Variants in DOP1B observed in about 807,000 individuals in gnomAD.
DOP1B encodes the protein DOP1 leucine zipper like protein B.
In DOP1B, 174 loss-of-function variants were observed where a neutral mutation model predicts 233.5. The observed-to-expected ratio is 0.75, with a 90% confidence interval of 0.66 to 0.85. The LOEUF (loss-of-function observed/expected upper bound fraction) is 0.85, where lower values mean the gene tolerates loss of function less well. Ranked by LOEUF, DOP1B falls within the 40% of genes least tolerant of loss-of-function variation. The pLI, the probability that DOP1B is intolerant of heterozygous loss-of-function variation, is 0.00. For missense variants in DOP1B, 2,652 were observed against 2,846.6 expected (o/e 0.93, Z 1.56); for synonymous variants, 1,190 against 1,185.6 (o/e 1.00, Z -0.08).
chr21:36,293,432 C>G lies in DOP1B; in HGVS notation c.6758C>G (p.Ala2253Gly). Residue 2253 changes from alanine to glycine, a missense_variant, in exon 37 of 37, where the codon GCA (alanine) becomes GGA (glycine). Ala to Gly is a moderately conservative substitution (Grantham distance 60, BLOSUM62 0). This residue lies in a region of DOP1B where 2,617 missense variants were observed against 2,794.3 expected (regional missense o/e 0.94). Coordinates refer to ENST00000691173, the MANE Select transcript of DOP1B (RefSeq NM_001320714.2). Reference protein sequence around the residue: ...LMPFFMTLNGAFKTQRQLPAD... With the variant: ...LMPFFMTLNGGFKTQRQLPAD... ...CCATTCTTCATGACTCTAAATGGTG[C>G]ATTTAAGACCCAGAGACAGCTGCCT... The G allele has an allele frequency of 6.2e-7, 1 of 1,614,200 alleles. No individual in the cohort carries two copies. Among genetic ancestry groups the G allele is most frequent in the African/African-American group, 1.3e-5 (1 of 75,060 alleles).
chr21:36,280,181 G>A, intron 30 of DOP1B, 104 bp from the exon 31 acceptor site: 1 of 830,282 alleles, frequency 1.2e-6, no homozygotes, highest in Non-Finnish European at 1.9e-6. Context: ...GGCCCAGAAA[G>A]CAGTTTTTAA....
intron 18 of DOP1B, 138 bp from the exon 19 acceptor site, chr21:36,244,910 C>G: frequency 1.2e-6 from 1 of 826,104 alleles, no homozygotes. Flanking sequence ...GTAAACCGGA[C>G]TCTGGTGGTG....
chr21:36,264,474 T>C (rs1026554897), intron 26 of DOP1B, among the ~76,000 whole-genome samples: 4 of 151,834 alleles, frequency 2.6e-5, no homozygotes, highest in African/African-American at 7.3e-5. Flanking sequence ...TCTTTTTTTT[T>C]TTTTTGGGCC....
intron 27 of DOP1B, among the ~76,000 whole-genome samples, chr21:36,271,636 C>A (rs61033710): frequency 0.18 from 27,271 of 151,856 alleles, 2,660 homozygotes; most frequent in South Asian, 0.3. Flanking sequence ...TTACAACATA[C>A]TATGTGTGTG....
intron 1 of DOP1B, among the ~76,000 whole-genome samples, chr21:36,162,220 G>C (rs909582838): frequency 6.6e-6 from 1 of 152,110 alleles, no homozygotes; most frequent in African/African-American, 2.4e-5. Context: ...TTTGAGACAG[G>C]GTCTCATTCT....
rs551634186 is a variant in DOP1B at position 36,190,478 on chromosome 21, A to G, written c.139-8592A>G. On this transcript the variant is annotated intron_variant, in intron 2 of 36. Coordinates refer to ENST00000691173, the MANE Select transcript of DOP1B (RefSeq NM_001320714.2). ...AGTGGCGCAATCTCAGCTCACTGCAACCTCTGCCTCCCGGGTTCAAGTGAT... is the reference window on the plus strand; with the variant it reads ...AGTGGCGCAATCTCAGCTCACTGCAGCCTCTGCCTCCCGGGTTCAAGTGAT... Among the ~76,000 whole-genome samples the G allele has an allele frequency of 2.0e-5, 3 of 150,536 alleles. No homozygotes were observed. The South Asian group carries it at 6.3e-4, about 32-fold the overall frequency.
At chr21:36,265,338 G>T (rs1266158039) in intron 26 of DOP1B, among the ~76,000 whole-genome samples, 3 of 151,828 alleles carry the variant, frequency 2.0e-5, no homozygotes, top group African/African-American at 7.3e-5. Context: ...AGAGGTTACA[G>T]TGAGCCGAGA....
chr21:36,198,956 T>C (rs1438338360), intron 2 of DOP1B, 114 bp from the exon 3 acceptor site: 1 of 1,172,672 alleles, frequency 8.5e-7, no homozygotes, highest in Non-Finnish European at 1.2e-6. Context: ...GTATGTCTCT[T>C]TCTTACAGCC....
chr21:36,274,743 T>C (rs938513449), intron 27 of DOP1B, among the ~76,000 whole-genome samples: 2 of 152,018 alleles, frequency 1.3e-5, no homozygotes, highest in African/African-American at 4.8e-5. Flanking sequence ...AGGATGGGAA[T>C]GGAGCAAGGG....
chr21:36,242,409 A>G (rs1281715714), intron 18 of DOP1B, among the ~76,000 whole-genome samples: 1 of 152,108 alleles, frequency 6.6e-6, no homozygotes, highest in Non-Finnish European at 1.5e-5. Context: ...TCCTGACCTC[A>G]AGTGATCCAT....
rs199573651 is a variant in DOP1B at position 36,200,320 on chromosome 21, C to T, written c.321-11C>T. On this transcript the variant is annotated splice_polypyrimidine_tract_variant and intron_variant, in intron 3 of 36. Coordinates refer to ENST00000691173, the MANE Select transcript of DOP1B (RefSeq NM_001320714.2). ...TATTTCTGCCCCGCTCCCTCTCGTT[C>T]TTTCTCGAAGCTGCGGGTTATTTCC... The T allele has an allele frequency of 3.9e-4, 610 of 1,578,670 alleles. 1 individual carries two copies. In the African/African-American group the frequency reaches 6.9e-3, roughly 18 times the overall value.
At position 36,191,262 on chromosome 21, in the gene DOP1B, A is replaced by C. The variant is rs555576247; in HGVS notation, c.139-7808A>C. Among the ~76,000 whole-genome samples the C allele has an allele frequency of 5.7e-4, 87 of 152,166 alleles. 3 individuals carry two copies. The South Asian group carries it at 7.5e-3, about 13-fold the overall frequency. On this transcript the variant is annotated intron_variant, in intron 2 of 36. Coordinates refer to ENST00000691173, the MANE Select transcript of DOP1B (RefSeq NM_001320714.2). ...ACTTTAAAAAACAAGTCAGAAAAAAAAAAAAACAAAAAACAGAAAAAAACC... is the reference window on the plus strand; with the variant it reads ...ACTTTAAAAAACAAGTCAGAAAAAACAAAAAACAAAAAACAGAAAAAAACC...
At chr21:36,251,898 C>T (rs559058662) in intron 22 of DOP1B, among the ~76,000 whole-genome samples, 1 of 152,248 alleles carries the variant, frequency 6.6e-6, no homozygotes, top group African/African-American at 2.4e-5. Context: ...GTATATATAA[C>T]ATGAACATTT....
At chr21:36,291,189 A>T (rs551753465) in intron 35 of DOP1B, among the ~76,000 whole-genome samples, 1 of 151,224 alleles carries the variant, frequency 6.6e-6, no homozygotes, top group Non-Finnish European at 1.5e-5. Flanking sequence ...TTGAAACCGA[A>T]GGCGGAGGTT....
At chr21:36,290,963 C>T (rs1407561877) in intron 35 of DOP1B, among the ~76,000 whole-genome samples, 1 of 147,886 alleles carries the variant, frequency 6.8e-6, no homozygotes, top group Non-Finnish European at 1.5e-5. Context: ...GAGCGAGACT[C>T]CCCCTCAAAA....
At chr21:36,159,604 G>A (rs900813146) in intron 1 of DOP1B, among the ~76,000 whole-genome samples, 20 of 152,304 alleles carry the variant, frequency 1.3e-4, no homozygotes, top group Middle Eastern at 3.4e-3. Context: ...TGTGCTGGTA[G>A]TTACACCAAA....
At chr21:36,241,693 C>CT (rs58454212) in intron 18 of DOP1B, among the ~76,000 whole-genome samples, 1,585 of 105,480 alleles carry the variant, frequency 0.015, 45 homozygotes, top group African/African-American at 0.046. Flanking sequence ...TTCTTTCTTT[C>CT]TTTTTTTTTT....
Position 36,232,810 on chromosome 21 carries a change from G to A in DOP1B, c.2357G>A (p.Gly786Asp). ...CCGGCTGGCTTCCTTTCAGGAGCCG[G>A]TGATTCCAGTTTTCCATCTTGGCTG... ...CATLFQLPGA[G>D]DSSFPSWLKS... The change falls in exon 15 of 37, where the codon GGT becomes GAT. Residue 786 changes from glycine (G) to aspartate (D), a missense_variant. Gly to Asp is a moderately conservative substitution (Grantham distance 94). Transcript: ENST00000691173. The A allele has an allele frequency of 6.2e-7, 1 of 1,612,298 alleles. No homozygotes were observed. The highest frequency in any genetic ancestry group is 8.5e-7 in the Non-Finnish European group (1 of 1,179,818).
At position 36,260,662 on chromosome 21, in the gene DOP1B, T is replaced by G. The variant is rs767579618; in HGVS notation, c.5260-15T>G. 2 of 1,613,598 alleles carry G rather than the reference T, an allele frequency of 1.2e-6. No individual in the cohort carries two copies. Among genetic ancestry groups the G allele is most frequent in the Non-Finnish European group, 1.7e-6 (2 of 1,179,924 alleles). ...CCCACCAACTCGGAGTAATTGGTTT[T>G]ACTTTCATTTTCAGAAATCGCCCCT... is the stretch of plus-strand genomic sequence containing the variant. On this transcript the variant is annotated splice_polypyrimidine_tract_variant and intron_variant, in intron 23 of 36. Transcript: ENST00000691173.
Sources: allele counts gnomAD v4.1 joint callset (sites outside exome capture counted in the v4.1 genomes callset), GRCh38; gene constraint gnomAD v4.1.1; regional missense constraint gnomAD v4.1.1; transcripts MANE v1.5; gene names NCBI Gene and HGNC (gene_info 2026-07-23, HGNC 2026-07-21).